Variants in KCNMA1 observed in about 807,000 individuals in gnomAD.
KCNMA1 encodes potassium calcium-activated channel subfamily M alpha 1, also known as Calcium-activated potassium channel subunit alpha-1.
KCNMA1 carries 29 observed loss-of-function variants against 140.0 expected under a neutral mutation model. The ratio of observed to expected loss-of-function variants is 0.21; its 90% CI spans 0.15 to 0.28. The LOEUF is 0.28. KCNMA1 is among the 10% of genes least tolerant of loss of function. The pLI is 1.00. For missense variants in KCNMA1, 880 were observed against 1,602.2 expected, an observed-to-expected ratio of 0.55 and a Z score of 7.70; for synonymous variants, 612 against 611.9, an observed-to-expected ratio of 1.00 and a Z score of 0.00.
chr10:77,453,366 T>C (rs1352522414), intron 1 of KCNMA1, among the ~76,000 whole-genome samples: 5 of 135,530 alleles, frequency 3.7e-5, no homozygotes, highest in Non-Finnish European at 8.3e-5. Context: ...TAAATAAATA[T>C]AAATAAATAA....
chr10:77,568,081 G>T (rs941251050), intron 1 of KCNMA1, among the ~76,000 whole-genome samples: 3 of 152,178 alleles, frequency 2.0e-5, no homozygotes, highest in African/African-American at 7.2e-5. Flanking sequence ...CTGAAATTGT[G>T]GCAATAATCA....
At chr10:77,081,567 G>T (rs1377440229) in intron 12 of KCNMA1, among the ~76,000 whole-genome samples, 2 of 152,154 alleles carry the variant, frequency 1.3e-5, no homozygotes, top group African/African-American at 4.8e-5. Flanking sequence ...TGGAGAGAAG[G>T]CAGCCAGGGA....
At chr10:77,215,365 A>C (rs1389719663) in intron 3 of KCNMA1, among the ~76,000 whole-genome samples, 1 of 108,332 alleles carries the variant, frequency 9.2e-6, no homozygotes, top group African/African-American at 3.5e-5. Context: ...TACAGATTGC[A>C]CCTGTTTTGT....
At chr10:77,152,871 A>G (rs947721054) in intron 5 of KCNMA1, among the ~76,000 whole-genome samples, 1 of 152,194 alleles carries the variant, frequency 6.6e-6, no homozygotes, top group African/African-American at 2.4e-5. Context: ...TGTGAGGCTT[A>G]AATGAAGCGG....
At chr10:77,235,416 C>T (rs1320134121) in intron 3 of KCNMA1, among the ~76,000 whole-genome samples, 1 of 152,126 alleles carries the variant, frequency 6.6e-6, no homozygotes, top group Non-Finnish European at 1.5e-5. Flanking sequence ...TTGTCACGGG[C>T]ACACAGAGGA....
chr10:77,447,238 G>A (rs1338073292), intron 1 of KCNMA1, among the ~76,000 whole-genome samples: 3 of 152,236 alleles, frequency 2.0e-5, no homozygotes, highest in Non-Finnish European at 4.4e-5. Context: ...CCACTCCAGA[G>A]TTGTCTGCTG....
In KCNMA1 at chr10:77,447,522, C is replaced by A. The variant is rs1455710254; in HGVS notation, c.379-43499G>T. 3.3e-5 allele frequency among the ~76,000 whole-genome samples: 5 copies of A among 152,210 alleles called. No individual in the cohort carries two copies. In the East Asian group the frequency reaches 7.7e-4, roughly 23 times the overall value. ...GCTGACGGAGCTCTTGCAGAGCCTG[C>A]CACTCTTTCAGGCACACTCACAGCA... On this transcript the variant is annotated intron_variant, in intron 1 of 27. Transcript: ENST00000286628.
At chr10:77,113,375 T>G (rs894768905) in intron 6 of KCNMA1, among the ~76,000 whole-genome samples, 1 of 152,224 alleles carries the variant, frequency 6.6e-6, no homozygotes, top group African/African-American at 2.4e-5. Flanking sequence ...CACCACTCCT[T>G]TGTAATGACA....
chr10:77,245,274 C>T (rs2058303162), intron 3 of KCNMA1, among the ~76,000 whole-genome samples: 1 of 152,156 alleles, frequency 6.6e-6, no homozygotes, highest in Admixed American at 6.6e-5. Flanking sequence ...CTTCCTTTTC[C>T]ATGTCACAGG....
At chr10:77,347,102 A>G (rs1169025531) in intron 2 of KCNMA1, among the ~76,000 whole-genome samples, 2 of 152,188 alleles carry the variant, frequency 1.3e-5, no homozygotes, top group Non-Finnish European at 2.9e-5. Flanking sequence ...CCCCATCTGT[A>G]AAATGAAGAG....
At chr10:77,040,755 A>AC (rs1180406190) in intron 14 of KCNMA1, among the ~76,000 whole-genome samples, 1 of 152,156 alleles carries the variant, frequency 6.6e-6, no homozygotes, top group Admixed American at 6.5e-5. Flanking sequence ...AAAATGACAG[A>AC]TTTTTCTGAC....
chr10:77,199,563 G>A (rs1057493202), intron 3 of KCNMA1, among the ~76,000 whole-genome samples: 7 of 152,210 alleles, frequency 4.6e-5, no homozygotes, highest in African/African-American at 1.7e-4. Context: ...TTAGTGGCCA[G>A]CACATGATGG....
chr10:76,952,404 C>T (rs967830782), intron 21 of KCNMA1, among the ~76,000 whole-genome samples: 1 of 152,074 alleles, frequency 6.6e-6, no homozygotes, highest in African/African-American at 2.4e-5. Context: ...CCTATAGTCC[C>T]AGCTACTCGG....
At chr10:77,576,395 C>A (rs990119116) in intron 1 of KCNMA1, among the ~76,000 whole-genome samples, 1 of 152,216 alleles carries the variant, frequency 6.6e-6, no homozygotes, top group African/African-American at 2.4e-5. Flanking sequence ...CTCTCTTTCT[C>A]CCTACGAAAC....
At chr10:76,909,779 G>A (rs2049344484) in intron 25 of KCNMA1, among the ~76,000 whole-genome samples, 187 bp downstream of exon 25, 1 of 152,164 alleles carries the variant, frequency 6.6e-6, no homozygotes, top group African/African-American at 2.4e-5. Context: ...TGCACTTGAG[G>A]AATTTATAAT....
chr10:76,948,181 C>T (rs1003660425), intron 22 of KCNMA1, among the ~76,000 whole-genome samples: 33 of 151,928 alleles, frequency 2.2e-4, no homozygotes, highest in Admixed American at 2.0e-3. Context: ...ATTTTTTTAA[C>T]TTTTTGTAGA....
At chr10:77,444,575 T>C (rs2097484479) in intron 1 of KCNMA1, among the ~76,000 whole-genome samples, 1 of 152,190 alleles carries the variant, frequency 6.6e-6, no homozygotes, top group South Asian at 2.1e-4. Flanking sequence ...TATCAGCTGG[T>C]CCATGAGCTG....
At chr10:77,506,694 AAG>A (rs1409888716) in intron 1 of KCNMA1, among the ~76,000 whole-genome samples, 1 of 38,158 alleles carries the variant, frequency 2.6e-5, no homozygotes, top group East Asian at 9.8e-4. Context: ...GAGAGAGGGA[AAG>A]AGAGATGTTC....
At chr10:77,342,804 T>C in intron 2 of KCNMA1, among the ~76,000 whole-genome samples, 1 of 152,180 alleles carries the variant, frequency 6.6e-6, no homozygotes. Flanking sequence ...TGGCACATAA[T>C]TGAACAAGTT....
Sources: allele counts gnomAD v4.1 joint callset (sites outside exome capture counted in the v4.1 genomes callset), GRCh38; gene constraint gnomAD v4.1.1; transcripts MANE v1.5; gene names NCBI Gene and HGNC (gene_info 2026-07-23, HGNC 2026-07-21).